Variants in COG5 observed in about 807,000 individuals in gnomAD.
The protein encoded by COG5 is conserved oligomeric Golgi complex subunit 5.
Under a neutral mutation model 110.4 loss-of-function variants are expected in COG5, and 86 were observed. The observed-to-expected ratio is 0.78, with a 90% CI of 0.65 to 0.93. The LOEUF is 0.93. COG5 is among the 40% of genes least tolerant of loss of function. COG5 has a pLI of 0.00. For missense variants in COG5, 1,077 were observed against 987.0 expected, an observed-to-expected ratio of 1.09 and a Z score of -1.22; for synonymous variants, 360 against 334.6, an observed-to-expected ratio of 1.08 and a Z score of -0.83.
rs148071668 is a variant in COG5 at position 107,209,224 on chromosome 7, G to A, written c.2375+1302C>T. On this transcript the variant is annotated intron_variant, in intron 21 of 21. Coordinates refer to ENST00000297135, the MANE Select transcript of COG5 (RefSeq NM_006348.5). ...CTGGGAGAGTTGAGAATGACTTCAA[G>A]AGCTATTTTAGAGACGCAACAGAGT... The A allele has an allele frequency of 1.3e-3, 1,240 of 985,478 alleles. 13 individuals are homozygous for A. The African/African-American group carries it at 0.017, about 14-fold the overall frequency. The allele number at this position is 985,478 out of a possible 1,614,324, so 61.0% of individuals were successfully genotyped here. A position where few individuals can be genotyped will look rare whatever the true frequency, so the allele number is the denominator to read the frequency against.
intron 19 of COG5, among the ~76,000 whole-genome samples, chr7:107,224,970 CAAG>C (rs1800217661): frequency 6.6e-6 from 1 of 152,202 alleles, no homozygotes; most frequent in Admixed American, 6.5e-5. Context: ...ATATCACCAT[CAAG>C]AAGAAAGTGC....
At chr7:107,271,723 GTTTAA>G (rs527547742) in intron 14 of COG5, among the ~76,000 whole-genome samples, 8 of 151,954 alleles carry the variant, frequency 5.3e-5, no homozygotes, top group South Asian at 2.1e-4. Context: ...GGTTTTTTGT[GTTTAA>G]TTTGATTGTT....
intron 21 of COG5, chr7:107,208,677 C>A (rs934416754): frequency 1.2e-5 from 12 of 985,350 alleles, no homozygotes; most frequent in Non-Finnish European, 1.3e-5. Context: ...TAACCTCTCC[C>A]ATTTCTGTGT....
chr7:107,355,528 C>A (rs1043134783), intron 10 of COG5, among the ~76,000 whole-genome samples: 9 of 152,164 alleles, frequency 5.9e-5, no homozygotes, highest in African/African-American at 2.2e-4. Flanking sequence ...ACCAAAATAT[C>A]TTTCAATAAA....
chr7:107,206,338 C>A (rs1798785099), intron 21 of COG5, among the ~76,000 whole-genome samples: 1 of 152,176 alleles, frequency 6.6e-6, no homozygotes, highest in Non-Finnish European at 1.5e-5. Context: ...ACATACCACT[C>A]TCAACTGGCA....
intron 7 of COG5, 106 bp downstream of exon 7, chr7:107,412,396 T>G (rs1001401409): frequency 2.3e-5 from 23 of 1,020,940 alleles, no homozygotes; most frequent in Non-Finnish European, 3.3e-5. Context: ...ACTTTCTCAG[T>G]GATATATTAC....
At chr7:107,215,910 C>T (rs1244063023) in intron 19 of COG5, among the ~76,000 whole-genome samples, 3 of 151,794 alleles carry the variant, frequency 2.0e-5, no homozygotes, top group African/African-American at 4.8e-5. Context: ...GGGGTTTCAC[C>T]GTGTTAGCCA....
At chr7:107,425,490 A>T (rs557851405) in intron 6 of COG5, among the ~76,000 whole-genome samples, 1 of 151,284 alleles carries the variant, frequency 6.6e-6, no homozygotes, top group East Asian at 1.9e-4. Context: ...TTTTTATTCT[A>T]TTTCTGAATT....
intron 5 of COG5, among the ~76,000 whole-genome samples, chr7:107,543,157 A>T (rs1200798919): frequency 6.6e-6 from 1 of 152,188 alleles, no homozygotes; most frequent in African/African-American, 2.4e-5. Context: ...ATTAATTTGA[A>T]CCACTATCCA....
At chr7:107,312,914 G>C (rs892183192) in intron 11 of COG5, among the ~76,000 whole-genome samples, 2 of 152,138 alleles carry the variant, frequency 1.3e-5, no homozygotes, top group African/African-American at 4.8e-5. Context: ...AGAAACTGAA[G>C]GAATCTCAAA....
intron 6 of COG5, among the ~76,000 whole-genome samples, chr7:107,510,848 G>GA (rs1799445413): frequency 6.6e-6 from 1 of 152,034 alleles, no homozygotes; most frequent in African/African-American, 2.4e-5. Context: ...GAAACCAACG[G>GA]AAACAAAGAC....
chr7:107,370,315 T>C (rs547435030), intron 8 of COG5, among the ~76,000 whole-genome samples: 2 of 152,082 alleles, frequency 1.3e-5, no homozygotes, highest in Non-Finnish European at 2.9e-5. Flanking sequence ...ATAAAAAAAT[T>C]GTAAGTATTG....
chr7:107,354,594 T>G (rs550975369), intron 10 of COG5, among the ~76,000 whole-genome samples: 1 of 152,272 alleles, frequency 6.6e-6, no homozygotes, highest in Non-Finnish European at 1.5e-5. Flanking sequence ...GAGAATCGCT[T>G]GAACCTAGGA....
intron 11 of COG5, among the ~76,000 whole-genome samples, chr7:107,298,988 C>T (rs917467206): frequency 6.6e-6 from 1 of 152,004 alleles, no homozygotes; most frequent in Non-Finnish European, 1.5e-5. Flanking sequence ...TTGAACTGAA[C>T]GAAAATTTTA....
At chr7:107,263,485 T>G (rs1200212326) in intron 14 of COG5, among the ~76,000 whole-genome samples, 2 of 152,188 alleles carry the variant, frequency 1.3e-5, no homozygotes, top group African/African-American at 4.8e-5. Flanking sequence ...GTTAATCATG[T>G]TACACTATTC....
intron 6 of COG5, among the ~76,000 whole-genome samples, chr7:107,439,730 C>A (rs1794592220): frequency 6.6e-6 from 1 of 152,040 alleles, no homozygotes; most frequent in Non-Finnish European, 1.5e-5. Flanking sequence ...ATGTCATCTG[C>A]AAATAAAGAC....
intron 14 of COG5, among the ~76,000 whole-genome samples, chr7:107,280,623 T>C (rs957184003): frequency 1.1e-4 from 17 of 152,066 alleles, no homozygotes; most frequent in African/African-American, 4.1e-4. Context: ...AAAAAAAATA[T>C]TGAAGTCTCA....
At chr7:107,463,778 C>T (rs1289704382) in intron 6 of COG5, among the ~76,000 whole-genome samples, 1 of 152,104 alleles carries the variant, frequency 6.6e-6, no homozygotes, top group Non-Finnish European at 1.5e-5. Context: ...ATCTATTCTG[C>T]AGAGGACTGT....
chr7:107,537,468 T>C (rs750022592), intron 5 of COG5, among the ~76,000 whole-genome samples: 2 of 152,032 alleles, frequency 1.3e-5, no homozygotes, highest in Non-Finnish European at 2.9e-5. Flanking sequence ...AAACCATCAT[T>C]CTCAGCAAAC....
Sources: allele counts gnomAD v4.1 joint callset (sites outside exome capture counted in the v4.1 genomes callset), GRCh38; gene constraint gnomAD v4.1.1; transcripts MANE v1.5; gene names NCBI Gene and HGNC (gene_info 2026-07-23, HGNC 2026-07-21).